The following DAB1 variants were observed in gnomAD, a reference collection of about 807,000 sequenced individuals.
DAB1 encodes the protein DAB adaptor protein 1, also known as disabled homolog 1.
DAB1 carries 15 observed loss-of-function variants against 64.6 expected under a neutral mutation model. The ratio of observed to expected loss-of-function variants is 0.23; its 90% CI spans 0.16 to 0.36. The LOEUF is 0.36. Ranked by LOEUF, DAB1 falls within the 10% of genes least tolerant of loss-of-function variation. The probability of loss-of-function intolerance (pLI) is 1.00; values close to 1 mark genes in which losing one functional copy is unlikely to be tolerated. For missense variants in DAB1, 596 were observed against 706.7 expected (o/e 0.84, Z 1.78); for synonymous variants, 235 against 251.9 (o/e 0.93, Z 0.64).
rs1681471805 is a variant in DAB1, at chr1:57,382,622, C to T, written c.-137+41308G>A. ...TTCCAACTTTTAAAAGCCACTGATT[C>T]TTTGACTTGTGGCCCTTTTCTCACA... is the stretch of plus-strand genomic sequence containing the variant. On this transcript the variant is annotated intron_variant, in intron 1 of 14. Transcript: ENST00000371236. Among the ~76,000 whole-genome samples the T allele has an allele frequency of 2.0e-5, 3 of 152,104 alleles. No homozygotes were observed. In the South Asian group the frequency reaches 6.2e-4, roughly 32 times the overall value.
chr1:58,486,417 T>C (rs1280874924), intron 3 of DAB1, among the ~76,000 whole-genome samples: 2 of 152,246 alleles, frequency 1.3e-5, no homozygotes, highest in Non-Finnish European at 2.9e-5. Flanking sequence ...TTACCAACTA[T>C]TAATGTCCTA....
intron 5 of DAB1, among the ~76,000 whole-genome samples, chr1:57,951,764 G>A (rs545207005): frequency 4.6e-5 from 7 of 152,190 alleles, no homozygotes; most frequent in South Asian, 2.1e-4. Context: ...TTGCTGGACC[G>A]TGGACAATGG....
intron 6 of DAB1, among the ~76,000 whole-genome samples, chr1:57,731,790 G>A (rs1404274161): frequency 7.0e-6 from 1 of 143,144 alleles, no homozygotes; most frequent in African/African-American, 2.6e-5. Context: ...GGGTGACAGA[G>A]TGAGATGCTG....
chr1:57,218,156 C>T (rs1014791051), intron 2 of DAB1, among the ~76,000 whole-genome samples: 18 of 152,004 alleles, frequency 1.2e-4, no homozygotes, highest in African/African-American at 3.1e-4. Flanking sequence ...ACCAACCGGA[C>T]GAGGTTGGGA....
intron 3 of DAB1, among the ~76,000 whole-genome samples, chr1:58,448,962 T>G (rs1645102242): frequency 6.6e-6 from 1 of 151,760 alleles, no homozygotes; most frequent in Non-Finnish European, 1.5e-5. Context: ...CAAAAGAAAG[T>G]GGAAGAAATA....
At chr1:57,104,489 G>A (rs1384667668) in intron 4 of DAB1, among the ~76,000 whole-genome samples, 1 of 152,242 alleles carries the variant, frequency 6.6e-6, no homozygotes, top group African/African-American at 2.4e-5. Context: ...CTGGGAATTA[G>A]GGCAGGGAGG....
intron 7 of DAB1, among the ~76,000 whole-genome samples, chr1:57,482,403 G>A (rs1340996593): frequency 1.4e-5 from 2 of 141,110 alleles, no homozygotes; most frequent in South Asian, 2.2e-4. Context: ...TCATTACCTC[G>A]AAGTACTTTT....
intron 6 of DAB1, among the ~76,000 whole-genome samples, chr1:57,789,090 GA>G (rs1243014710): frequency 3.9e-5 from 6 of 152,238 alleles, no homozygotes; most frequent in Non-Finnish European, 8.8e-5. Flanking sequence ...GAAGGATTGA[GA>G]GCTTAGTGCA....
At chr1:57,261,470 G>A (rs1329369611) in intron 2 of DAB1, among the ~76,000 whole-genome samples, 1 of 152,092 alleles carries the variant, frequency 6.6e-6, no homozygotes, top group Admixed American at 6.5e-5. Flanking sequence ...TGTTTACTCT[G>A]CTCTCTGCTC....
At chr1:58,405,232 AT>A (rs1167514513) in intron 3 of DAB1, among the ~76,000 whole-genome samples, 3 of 152,088 alleles carry the variant, frequency 2.0e-5, no homozygotes, top group Non-Finnish European at 4.4e-5. Flanking sequence ...GTTCCTCATC[AT>A]GGGGGCTCCT....
chr1:57,835,361 T>C (rs986740496), intron 1 of DAB1, among the ~76,000 whole-genome samples: 6 of 152,222 alleles, frequency 3.9e-5, no homozygotes, highest in Admixed American at 2.0e-4. Context: ...TCATCAACCC[T>C]GTTTTCAGAT....
intron 7 of DAB1, among the ~76,000 whole-genome samples, chr1:57,614,864 CTTTCTTTT>C (rs1645771043): frequency 1.7e-5 from 2 of 114,932 alleles, no homozygotes; most frequent in African/African-American, 3.2e-5. Context: ...TTCTTTCTTT[CTTTCTTTT>C]TTTTTTTTTT....
intron 6 of DAB1, among the ~76,000 whole-genome samples, chr1:57,727,631 T>A (rs1647236125): frequency 6.6e-6 from 1 of 152,230 alleles, no homozygotes; most frequent in South Asian, 2.1e-4. Flanking sequence ...TGCACATCTC[T>A]AGAGACAGTA....
intron 6 of DAB1, among the ~76,000 whole-genome samples, chr1:57,815,798 A>C (rs1359119704): frequency 6.6e-6 from 1 of 152,178 alleles, no homozygotes; most frequent in African/African-American, 2.4e-5. Flanking sequence ...TATCTGGGTA[A>C]ACGGTAATAT....
At chr1:57,136,798 T>A (rs556777742) in intron 3 of DAB1, among the ~76,000 whole-genome samples, 157 bp from the exon 4 acceptor site, 1 of 152,210 alleles carries the variant, frequency 6.6e-6, no homozygotes, top group Non-Finnish European at 1.5e-5. Context: ...GCGGCTCACA[T>A]CTCCTTGGTG....
intron 9 of DAB1, among the ~76,000 whole-genome samples, chr1:57,054,362 T>A (rs1649523162): frequency 6.6e-6 from 1 of 152,032 alleles, no homozygotes; most frequent in African/African-American, 2.4e-5. Context: ...GCATTCCCAC[T>A]GTGGGACCTG....
At chr1:57,691,214 C>A (rs1558614883) in intron 6 of DAB1, among the ~76,000 whole-genome samples, 1 of 152,060 alleles carries the variant, frequency 6.6e-6, no homozygotes, top group South Asian at 2.1e-4. Flanking sequence ...TGTAAAGGCA[C>A]CAACCAGCAC....
chr1:57,588,536 A>C (rs11806494), intron 7 of DAB1, among the ~76,000 whole-genome samples: 3,408 of 152,340 alleles, frequency 0.022, 150 homozygotes, highest in African/African-American at 0.075. Context: ...ATTAGAGTAC[A>C]TCAAAGAAAA....
chr1:58,450,284 T>C (rs849477), intron 3 of DAB1, among the ~76,000 whole-genome samples: 132,620 of 152,166 alleles, frequency 0.87, 58,538 homozygotes, highest in African/African-American at 0.95. Context: ...CCCCATCGTG[T>C]CCTTGACTCA....
Sources: gnomAD v4.1 joint callset for allele counts (sites outside exome capture counted in the v4.1 genomes callset) on GRCh38, gnomAD v4.1.1 for gene constraint, MANE v1.5 for transcripts, NCBI Gene and HGNC (gene_info 2026-07-23, HGNC 2026-07-21) for gene names.